The following KIRREL3 variants were observed in gnomAD, a reference collection of about 807,000 sequenced individuals.
KIRREL3 encodes kin of IRRE-like protein 3.
KIRREL3 carries 36 observed loss-of-function variants against 89.7 expected under a neutral mutation model. The observed-to-expected ratio is 0.40, with a 90% CI of 0.31 to 0.53. The LOEUF (loss-of-function observed/expected upper bound fraction) is 0.53, where lower values mean the gene tolerates loss of function less well. Ranked by LOEUF, KIRREL3 falls within the 20% of genes least tolerant of loss-of-function variation. The probability of loss-of-function intolerance (pLI) is 0.49; values close to 1 mark genes in which losing one functional copy is unlikely to be tolerated. For synonymous variants in KIRREL3, 445 were observed against 441.4 expected, an observed-to-expected ratio of 1.01 and a Z score of -0.10; for missense variants, 864 against 1,056.6, an observed-to-expected ratio of 0.82 and a Z score of 2.53.
rs141156598 is a variant in KIRREL3, at chr11:126,425,931, G to A, written c.1807-207C>T. 4.7e-3 allele frequency among the ~76,000 whole-genome samples: 715 copies of A among 152,344 alleles called. 18 individuals carry two copies. The South Asian group carries it at 0.078, about 17-fold the overall frequency. ...GCAGTTGAGGGGGGTGGGTGAGTAGGTGAGGTGAGGGGCAGTTAGGGGAGG... is the reference window on the plus strand; with the variant it reads ...GCAGTTGAGGGGGGTGGGTGAGTAGATGAGGTGAGGGGCAGTTAGGGGAGG... On this transcript the variant is annotated intron_variant, in intron 15 of 16. Transcript: ENST00000525144.
At chr11:126,478,378 T>C (rs1370257395) in intron 4 of KIRREL3, among the ~76,000 whole-genome samples, 1 of 152,126 alleles carries the variant, frequency 6.6e-6, no homozygotes, top group African/African-American at 2.4e-5. Flanking sequence ...TATCACACAG[T>C]AGGCGCTAAA....
chr11:126,660,653 C>T (rs1423136732), intron 1 of KIRREL3, among the ~76,000 whole-genome samples: 4 of 151,996 alleles, frequency 2.6e-5, no homozygotes, highest in Non-Finnish European at 4.4e-5. Flanking sequence ...CTTTTGAGGA[C>T]GACCTGACCA....
At chr11:126,435,410 C>G in intron 12 of KIRREL3, 107 bp from the exon 13 acceptor site, 1 of 1,128,770 alleles carries the variant, frequency 8.9e-7, no homozygotes, top group Non-Finnish European at 1.3e-6. Context: ...GCTCCTTTCC[C>G]AGTCATGTCT....
At position 126,498,102 on chromosome 11, in the gene KIRREL3, C is replaced by G. The variant is rs1001304963; in HGVS notation, c.433+23213G>C. The stretch of plus-strand genomic sequence containing the variant: ...TGCCCCAAATCACACAGCCAGTAAG[C>G]CTGCTTAGTAGCTCTACTGCATCAC... On this transcript the variant is annotated intron_variant, in intron 4 of 16. Coordinates refer to ENST00000525144, the MANE Select transcript of KIRREL3 (RefSeq NM_032531.4). This position sits in a 1 kb window ranked among gnomAD's most constrained non-coding sequence, Gnocchi z 4.3. 1.3e-5 allele frequency among the ~76,000 whole-genome samples: 2 copies of G among 152,138 alleles called. No homozygotes were observed. Among genetic ancestry groups the G allele is most frequent in the South Asian group, 4.1e-4 (2 of 4,826 alleles).
rs946513992 is a variant in KIRREL3 at position 126,683,792 on chromosome 11, CTT to C, written c.56-120882_56-120881del. 3.3e-5 allele frequency among the ~76,000 whole-genome samples: 5 copies of C among 152,212 alleles called. No homozygotes were observed. Among genetic ancestry groups the C allele is most frequent in the African/African-American group, 1.2e-4 (5 of 41,458 alleles). On this transcript the variant is annotated intron_variant, in intron 1 of 16. Coordinates refer to ENST00000525144, the MANE Select transcript of KIRREL3 (RefSeq NM_032531.4). This position sits in a 1 kb window ranked among gnomAD's most constrained non-coding sequence, Gnocchi z 5.2. Reference sequence around the variant, plus strand: ...CAGCAGGCCTGGCAGCCTCCTCTCTCTTGGGATGCAAACTGCTTATGTGGTAG... The same window carrying C: ...CAGCAGGCCTGGCAGCCTCCTCTCTCGGGATGCAAACTGCTTATGTGGTAG...
Position 126,685,412 on chromosome 11 carries a change from G to C in KIRREL3, c.56-122500C>G, listed in dbSNP as rs940753539. On this transcript the variant is annotated intron_variant, in intron 1 of 16. Transcript: ENST00000525144. The surrounding 1 kb of genome is among the most constrained non-coding windows in gnomAD (Gnocchi z 5.5). ...GATGGGGTAGCTGCCTTACCAGAGA[G>C]AGCGGGATTTCTCAGACACTGCTAA... is the stretch of plus-strand genomic sequence containing the variant. Among the ~76,000 whole-genome samples the C allele has an allele frequency of 6.6e-5, 10 of 152,166 alleles. No homozygotes were observed. The highest frequency in any genetic ancestry group is 4.1e-4 in the South Asian group (2 of 4,830).
chr11:126,878,509 G>A (rs1945375867), intron 1 of KIRREL3, among the ~76,000 whole-genome samples: 1 of 151,976 alleles, frequency 6.6e-6, no homozygotes, highest in South Asian at 2.1e-4. Context: ...GACATGAAAA[G>A]TGCATTTTAA....
chr11:126,976,029 T>C lies in KIRREL3; in HGVS notation c.55+24426A>G, dbSNP rs773881175. On this transcript the variant is annotated intron_variant, in intron 1 of 16. Transcript: ENST00000525144. This position sits in a 1 kb window ranked among gnomAD's most constrained non-coding sequence, Gnocchi z 4.2. ...AAGGTGTGGCTCTCAGGACAGAGCA[T>C]ACCCATTCCAGATGTGGGTCACATC... 8.0e-5 allele frequency among the ~76,000 whole-genome samples: 12 copies of C among 150,608 alleles called. No individual in the cohort carries two copies. Among genetic ancestry groups the C allele is most frequent in the Non-Finnish European group, 1.8e-4 (12 of 67,826 alleles).
At chr11:126,450,902 T>C (rs1196908833) in intron 7 of KIRREL3, among the ~76,000 whole-genome samples, 1 of 147,858 alleles carries the variant, frequency 6.8e-6, no homozygotes, top group Admixed American at 6.7e-5. Flanking sequence ...CGTGTGTGCA[T>C]GTGCGTGTGT....
intron 1 of KIRREL3, among the ~76,000 whole-genome samples, chr11:126,727,269 G>T (rs951435955): frequency 1.3e-5 from 2 of 152,262 alleles, no homozygotes; most frequent in African/African-American, 2.4e-5. Context: ...CACAGAGCAG[G>T]CTGGCTTCGC....
At chr11:126,560,154 A>G (rs546822574) in intron 2 of KIRREL3, among the ~76,000 whole-genome samples, 2 of 152,364 alleles carry the variant, frequency 1.3e-5, no homozygotes, top group Admixed American at 1.3e-4. Context: ...GATCTCAAAC[A>G]AATGTGATAT....
Position 126,789,331 on chromosome 11 carries a change from CATCTGA to C in KIRREL3, c.55+211118_55+211123del, listed in dbSNP as rs546917911. On this transcript the variant is annotated intron_variant, in intron 1 of 16. Coordinates refer to ENST00000525144, the MANE Select transcript of KIRREL3 (RefSeq NM_032531.4). Reference sequence around the variant, plus strand: ...CCTCACTCAGTCCCTCTCCTTCTTGCATCTGAAGCTCTTTCTTCCTTCCCTGGACCA... The same window carrying C: ...CCTCACTCAGTCCCTCTCCTTCTTGCAGCTCTTTCTTCCTTCCCTGGACCA... 1.3e-3 allele frequency among the ~76,000 whole-genome samples: 197 copies of C among 152,306 alleles called. 1 individual carries two copies. The highest frequency in any genetic ancestry group is 4.5e-3 in the African/African-American group (187 of 41,564).
At chr11:126,822,521 G>A (rs563812700) in intron 1 of KIRREL3, among the ~76,000 whole-genome samples, 1 of 152,174 alleles carries the variant, frequency 6.6e-6, no homozygotes, top group Non-Finnish European at 1.5e-5. Context: ...ATCTGACCCT[G>A]GGGACTTTTT....
intron 1 of KIRREL3, among the ~76,000 whole-genome samples, chr11:126,737,121 G>C (rs945126825): frequency 6.6e-6 from 1 of 152,190 alleles, no homozygotes; most frequent in Non-Finnish European, 1.5e-5. Flanking sequence ...GCTGAGTGGG[G>C]ATGTGCTTGC....
chr11:126,487,324 T>C (rs1261836751), intron 4 of KIRREL3, among the ~76,000 whole-genome samples: 1 of 151,954 alleles, frequency 6.6e-6, no homozygotes, highest in African/African-American at 2.4e-5. Context: ...GGGCGTGGGG[T>C]GCAAGTCACC....
At chr11:126,863,395 G>GTGTGCT (rs879772494) in intron 1 of KIRREL3, among the ~76,000 whole-genome samples, 1 of 88,902 alleles carries the variant, frequency 1.1e-5, no homozygotes, top group African/African-American at 6.4e-5. Context: ...GAGTGCGTGT[G>GTGTGCT]TGAGTGCGTG....
At chr11:126,616,553 C>T (rs1943360807) in intron 1 of KIRREL3, among the ~76,000 whole-genome samples, 1 of 152,194 alleles carries the variant, frequency 6.6e-6, no homozygotes, top group South Asian at 2.1e-4. Flanking sequence ...GCTTAAAATA[C>T]ATCATCCCAT....
chr11:126,429,368 C>T lies in KIRREL3; in HGVS notation c.1697-80G>A. 2.1e-6 allele frequency: 2 copies of T among 931,576 alleles called. No individual in the cohort carries two copies. The highest frequency in any genetic ancestry group is 3.4e-6 in the Non-Finnish European group (2 of 582,220). The allele number at this position is 931,576 out of a possible 1,614,324, so 57.7% of individuals were successfully genotyped here. On this transcript the variant is annotated intron_variant, in intron 14 of 16. Transcript: ENST00000525144. The surrounding 1 kb of genome is among the most constrained non-coding windows in gnomAD (Gnocchi z 5.2). ...GTCAAGCTCCCTTGCAGTCCCCTGC[C>T]CCTGCCCTGCCACCCTCTGCATTTC...
rs527422633 is a variant in KIRREL3 at position 126,454,787 on chromosome 11, C to T, written c.848+1562G>A. 1.6e-4 allele frequency among the ~76,000 whole-genome samples: 24 copies of T among 152,238 alleles called. No homozygotes were observed. Among genetic ancestry groups the T allele is most frequent in the East Asian group, 3.9e-4 (2 of 5,174 alleles). On this transcript the variant is annotated intron_variant, in intron 7 of 16. Transcript: ENST00000525144. The surrounding 1 kb of genome is among the most constrained non-coding windows in gnomAD (Gnocchi z 5.8). ...ATGATTCTGGGGAGCCTGGAGTCCC[C>T]GGCTCAGAAGGGACCCTGGAGGTCA...
Sources: gnomAD v4.1 joint callset for allele counts (sites outside exome capture counted in the v4.1 genomes callset) on GRCh38, gnomAD v4.1.1 for gene constraint, Gnocchi (gnomAD v3.1) non-coding constraint, MANE v1.5 for transcripts, NCBI Gene and HGNC (gene_info 2026-07-23, HGNC 2026-07-21) for gene names.